RNLS: variants seen among roughly 807,000 people sequenced by gnomAD.
The protein encoded by RNLS is renalase.
In RNLS, 39 loss-of-function variants were observed where a neutral mutation model predicts 39.8. The observed-to-expected ratio is 0.98, with a 90% CI of 0.76 to 1.28. RNLS has a LOEUF of 1.28. Ranked by LOEUF, RNLS falls within the 50% of genes most tolerant of loss-of-function variation. RNLS has a pLI of 0.00. For synonymous variants in RNLS, 147 were observed against 150.7 expected (o/e 0.98, Z 0.18); for missense variants, 410 against 413.3 (o/e 0.99, Z 0.07).
the RNLS span, among the ~76,000 whole-genome samples, chr10:88,263,425 A>G: frequency 6.6e-6 from 1 of 152,202 alleles, no homozygotes; most frequent in South Asian, 2.1e-4. Flanking sequence ...ATTGTTGTCA[A>G]TAACAGCACC....
At chr10:88,180,163 A>T in the RNLS span, among the ~76,000 whole-genome samples, 1 of 152,234 alleles carries the variant, frequency 6.6e-6, no homozygotes, top group African/African-American at 2.4e-5. Context: ...AGATTTGTAC[A>T]TCAAAGCTAG....
chr10:88,543,848 T>G (rs1206639778), intron 4 of RNLS, among the ~76,000 whole-genome samples: 1 of 152,200 alleles, frequency 6.6e-6, no homozygotes, highest in African/African-American at 2.4e-5. Context: ...ATATATATTA[T>G]TTGCTTTGTT....
intron 4 of RNLS, among the ~76,000 whole-genome samples, chr10:88,471,909 G>C (rs913844284): frequency 1.3e-5 from 2 of 151,792 alleles, no homozygotes; most frequent in African/African-American, 4.8e-5. Flanking sequence ...CCCCTTAACT[G>C]ACCTCAGCTA....
chr10:88,357,544 T>C (rs1266260640), intron 5 of RNLS, among the ~76,000 whole-genome samples: 3 of 152,222 alleles, frequency 2.0e-5, no homozygotes, highest in African/African-American at 7.2e-5. Flanking sequence ...TGAAACCTAT[T>C]TATCATTCAC....
the RNLS span, among the ~76,000 whole-genome samples, chr10:88,246,668 C>G: frequency 1.3e-5 from 2 of 151,990 alleles, no homozygotes; most frequent in Non-Finnish European, 2.9e-5. Context: ...CTCTCTCTCA[C>G]GGCTAGAATT....
chr10:88,513,701 C>T (rs965147315), intron 4 of RNLS, among the ~76,000 whole-genome samples: 3 of 152,134 alleles, frequency 2.0e-5, no homozygotes, highest in South Asian at 4.1e-4. Context: ...CCTTTTCACA[C>T]ATGTATGCAT....
chr10:88,383,313 T>C (rs765433959), intron 4 of RNLS, among the ~76,000 whole-genome samples: 11 of 152,132 alleles, frequency 7.2e-5, no homozygotes, highest in Non-Finnish European at 1.5e-4. Flanking sequence ...CTGAATAGTT[T>C]TGGAAATGAG....
chr10:88,369,009 T>C (rs1269099505), intron 4 of RNLS, among the ~76,000 whole-genome samples: 1 of 152,104 alleles, frequency 6.6e-6, no homozygotes, highest in Non-Finnish European at 1.5e-5. Flanking sequence ...TAAAAGCCCA[T>C]ATATATTTTC....
rs184420870 is a variant in RNLS at position 88,336,213 on chromosome 10, C to T, written c.701-21572G>A. On this transcript the variant is annotated intron_variant, in intron 5 of 6. Transcript: ENST00000331772. Reference sequence around the variant, plus strand: ...GGTGGAAATACTAGCTTTTAAAAAACCGACACACCTATTAGCTTCTTTTCT... The same window carrying T: ...GGTGGAAATACTAGCTTTTAAAAAATCGACACACCTATTAGCTTCTTTTCT... 3.9e-5 allele frequency among the ~76,000 whole-genome samples: 6 copies of T among 152,306 alleles called. No individual in the cohort carries two copies. The East Asian group carries it at 9.6e-4, about 24-fold the overall frequency.
intron 6 of RNLS, among the ~76,000 whole-genome samples, chr10:88,300,052 G>A (rs1844400111): frequency 1.3e-5 from 2 of 152,204 alleles, no homozygotes; most frequent in South Asian, 4.1e-4. Flanking sequence ...AAAAATTACT[G>A]CAGTGAAGTG....
chr10:88,498,272 G>A (rs1386501099), intron 4 of RNLS, among the ~76,000 whole-genome samples: 1 of 151,474 alleles, frequency 6.6e-6, no homozygotes, highest in Non-Finnish European at 1.5e-5. Flanking sequence ...TTAACATCTG[G>A]CTCAAAAATG....
chr10:88,276,494 A>C (rs2132590765), intron 6 of RNLS, among the ~76,000 whole-genome samples: 1 of 152,280 alleles, frequency 6.6e-6, no homozygotes, highest in African/African-American at 2.4e-5. Flanking sequence ...ATTTTTTTCT[A>C]AAACTAAATA....
At chr10:88,444,457 C>G (rs1033457448) in intron 4 of RNLS, among the ~76,000 whole-genome samples, 2 of 152,182 alleles carry the variant, frequency 1.3e-5, no homozygotes, top group African/African-American at 4.8e-5. Flanking sequence ...AGCAACAGAA[C>G]AAAGCTGGAC....
intron 4 of RNLS, among the ~76,000 whole-genome samples, chr10:88,476,807 A>T (rs1312493634): frequency 1.3e-5 from 2 of 152,216 alleles, no homozygotes; most frequent in Non-Finnish European, 2.9e-5. Context: ...GAGGTAGTTC[A>T]GAAGGGCCTG....
intron 5 of RNLS, among the ~76,000 whole-genome samples, chr10:88,318,925 G>A (rs1262988550): frequency 3.3e-5 from 5 of 152,078 alleles, no homozygotes; most frequent in East Asian, 3.9e-4. Context: ...AGGTGCTTCC[G>A]CTCATCATCA....
At chr10:88,355,434 T>A (rs1849081023) in intron 5 of RNLS, among the ~76,000 whole-genome samples, 1 of 152,194 alleles carries the variant, frequency 6.6e-6, no homozygotes, top group Non-Finnish European at 1.5e-5. Context: ...CTTCTAACAG[T>A]CAGGACCCTC....
chr10:88,232,058 ACTTCACTTG>A, the RNLS span, among the ~76,000 whole-genome samples: 1 of 151,998 alleles, frequency 6.6e-6, no homozygotes, highest in Non-Finnish European at 1.5e-5. Flanking sequence ...TGGTTCTAAG[ACTTCACTTG>A]CTTGCAGTTT....
intron 4 of RNLS, among the ~76,000 whole-genome samples, chr10:88,541,630 G>A (rs541867107): frequency 6.6e-6 from 1 of 152,236 alleles, no homozygotes; most frequent in East Asian, 1.9e-4. Context: ...AAAAGATTAT[G>A]TTTTCAAAAG....
intron 6 of RNLS, among the ~76,000 whole-genome samples, chr10:88,312,828 A>G (rs929471297): frequency 3.3e-5 from 5 of 152,042 alleles, no homozygotes; most frequent in African/African-American, 1.2e-4. Flanking sequence ...AGGAAGTTAT[A>G]GAGATTTCCA....
Sources: allele counts gnomAD v4.1 joint callset (sites outside exome capture counted in the v4.1 genomes callset), GRCh38; gene constraint gnomAD v4.1.1; transcripts MANE v1.5; gene names NCBI Gene and HGNC (gene_info 2026-07-23, HGNC 2026-07-21).